The following EPB41L3 variants were observed in gnomAD, a reference collection of about 807,000 sequenced individuals.
The protein encoded by EPB41L3 is band 4.1-like protein 3.
Under a neutral mutation model 127.1 loss-of-function variants are expected in EPB41L3, and 57 were observed. That is an observed-to-expected ratio of 0.45 (90% confidence interval 0.36 to 0.56). The LOEUF (loss-of-function observed/expected upper bound fraction) is 0.56, where lower values mean the gene tolerates loss of function less well. Ranked by LOEUF, EPB41L3 falls within the 20% of genes least tolerant of loss-of-function variation. The pLI is 0.00. For missense variants in EPB41L3, 1,273 were observed against 1,372.2 expected (o/e 0.93, Z 1.14); for synonymous variants, 572 against 549.5 (o/e 1.04, Z -0.57).
intron 13 of EPB41L3, among the ~76,000 whole-genome samples, chr18:5,413,364 G>A (rs1448724061): frequency 6.6e-6 from 1 of 152,102 alleles, no homozygotes; most frequent in Non-Finnish European, 1.5e-5. Context: ...AACATGACTG[G>A]TCAACAGCTT....
In EPB41L3 at chr18:5,416,153, G is replaced by C; in HGVS notation, c.1732C>G (p.Gln578Glu). The C allele has an allele frequency of 6.2e-7, 1 of 1,614,034 alleles. No homozygotes were observed. Among genetic ancestry groups the C allele is most frequent in the Non-Finnish European group, 8.5e-7 (1 of 1,179,928 alleles). ...DQDVAFSYRQ[Q>E]TGKGTTLFSF... Reference sequence around the variant, plus strand: ...AACAGGGTGGTCCCCTTGCCAGTTTGCTGTCTGTAGCTAAAAGCCACATCT... The same window carrying C: ...AACAGGGTGGTCCCCTTGCCAGTTTCCTGTCTGTAGCTAAAAGCCACATCT... The change falls in exon 13 of 23, where the codon CAA becomes GAA. Residue 578 changes from glutamine to glutamate, a missense_variant. This residue lies in a region of EPB41L3 where 765 missense variants were observed against 782.9 expected (regional missense o/e 0.98). Transcript: ENST00000341928.
intron 5 of EPB41L3, among the ~76,000 whole-genome samples, chr18:5,441,947 A>C (rs1438403706): frequency 6.6e-6 from 1 of 152,200 alleles, no homozygotes; most frequent in Non-Finnish European, 1.5e-5. Flanking sequence ...GGTAGAAGAC[A>C]CTATAAATGG....
At chr18:5,462,925 C>T (rs529708240) in intron 3 of EPB41L3, among the ~76,000 whole-genome samples, 1 of 152,196 alleles carries the variant, frequency 6.6e-6, no homozygotes, top group Non-Finnish European at 1.5e-5. Flanking sequence ...TGTCTTCCCC[C>T]ATAAACTTTT....
intron 1 of EPB41L3, among the ~76,000 whole-genome samples, chr18:5,503,485 C>T (rs1236628404): frequency 6.6e-6 from 1 of 152,178 alleles, no homozygotes; most frequent in African/African-American, 2.4e-5. Context: ...AGGCTCCAGG[C>T]ACAGGTCATT....
chr18:5,534,276 A>AT (rs1232367998), intron 1 of EPB41L3, among the ~76,000 whole-genome samples: 1 of 152,236 alleles, frequency 6.6e-6, no homozygotes, highest in Non-Finnish European at 1.5e-5. Context: ...TATTTATATT[A>AT]TATCTTCTTT....
intron 3 of EPB41L3, among the ~76,000 whole-genome samples, chr18:5,578,444 G>T (rs2094358586): frequency 1.3e-5 from 2 of 152,126 alleles, no homozygotes; most frequent in African/African-American, 4.8e-5. Context: ...TATGCTAATT[G>T]TCCTCTAGTT....
At chr18:5,447,562 T>C (rs1480959198) in intron 3 of EPB41L3, among the ~76,000 whole-genome samples, 2 of 138,490 alleles carry the variant, frequency 1.4e-5, no homozygotes, top group African/African-American at 2.7e-5. Flanking sequence ...CAAATGCAAA[T>C]ACAAAAACTT....
At chr18:5,404,921 T>G (rs2075110280) in intron 16 of EPB41L3, among the ~76,000 whole-genome samples, 1 of 152,224 alleles carries the variant, frequency 6.6e-6, no homozygotes, top group African/African-American at 2.4e-5. Context: ...AACTGAATAT[T>G]GTAAGGACTA....
chr18:5,520,766 C>A (rs2092957965), intron 1 of EPB41L3, among the ~76,000 whole-genome samples: 1 of 152,168 alleles, frequency 6.6e-6, no homozygotes, highest in Non-Finnish European at 1.5e-5. Flanking sequence ...AGGCCCATGG[C>A]CTTAGGCAGG....
At chr18:5,453,962 C>A (rs887650989) in intron 3 of EPB41L3, among the ~76,000 whole-genome samples, 1 of 152,122 alleles carries the variant, frequency 6.6e-6, no homozygotes, top group Non-Finnish European at 1.5e-5. Context: ...ATTTTCCTCA[C>A]ATTTAAAGGT....
chr18:5,525,292 T>C (rs1052110484), intron 1 of EPB41L3, among the ~76,000 whole-genome samples: 2 of 152,158 alleles, frequency 1.3e-5, no homozygotes, highest in African/African-American at 2.4e-5. Flanking sequence ...AGGCGTGCCA[T>C]GGCCCTAGGA....
chr18:5,451,671 C>T (rs552051901), intron 3 of EPB41L3, among the ~76,000 whole-genome samples: 1 of 152,316 alleles, frequency 6.6e-6, no homozygotes, highest in East Asian at 1.9e-4. Context: ...CTTGATGAAA[C>T]TTTACAAAAG....
At chr18:5,414,696 G>A (rs1160464758) in intron 13 of EPB41L3, among the ~76,000 whole-genome samples, 2 of 152,144 alleles carry the variant, frequency 1.3e-5, no homozygotes, top group East Asian at 3.8e-4. Context: ...AGTGGGGAGG[G>A]GCGCGCATGA....
rs1021509318 is a variant in EPB41L3 at position 5,393,409 on chromosome 18, G to A, written c.*76C>T. The stretch of plus-strand genomic sequence containing the variant: ...ATACAAGTCAGTTGGGTTAGAAGAG[G>A]GAACTCCATATAGGCTCTGGTTTTC... On this transcript the variant is annotated 3_prime_UTR_variant, in exon 23 of 23. Coordinates refer to ENST00000341928, the MANE Select transcript of EPB41L3 (RefSeq NM_012307.5). 25 of 689,102 alleles carry A rather than the reference G, an allele frequency of 3.6e-5. No individual in the cohort carries two copies. The African/African-American group carries it at 4.1e-4, about 11-fold the overall frequency. The allele number at this position is 689,102 out of a possible 1,614,324, so 42.7% of individuals were successfully genotyped here.
intron 3 of EPB41L3, among the ~76,000 whole-genome samples, chr18:5,586,977 C>T (rs181290318): frequency 1.2e-3 from 189 of 152,154 alleles, no homozygotes; most frequent in Non-Finnish European, 2.3e-3. Flanking sequence ...AGCAGTAAGA[C>T]CCTAACATAT....
At chr18:5,428,166 G>A (rs2078480865) in intron 9 of EPB41L3, 147 bp downstream of exon 9, 10 of 823,684 alleles carry the variant, frequency 1.2e-5, no homozygotes, top group Non-Finnish European at 1.9e-5. Flanking sequence ...CTGTTTATTG[G>A]GCAAACCTAC....
Position 5,489,038 on chromosome 18 carries a change from G to A in EPB41L3, c.146C>T (p.Ala49Val). Residue 49 changes from alanine (A) to valine (V), a missense_variant, in exon 2 of 23, where the codon GCC becomes GTC. Physicochemically the swap from Ala to Val is moderately conservative, Grantham distance 64. This residue lies in a region of EPB41L3 where 182 missense variants were observed against 149.2 expected (regional missense o/e 1.22). Transcript: ENST00000341928. ...CGGGGTGCTGTGCGCTGCAGCGGCG[G>A]CGAACTGCTCCAGGGCCTGCTGCTG... Reference protein sequence around the residue: ...EEQQQALEQFAAAAAHSTPVR... With the variant: ...EEQQQALEQFVAAAAHSTPVR... The A allele has an allele frequency of 1.3e-6, 2 of 1,591,938 alleles. No individual in the cohort carries two copies. Among genetic ancestry groups the A allele is most frequent in the African/African-American group, 1.4e-5 (1 of 73,054 alleles).
chr18:5,468,777 G>A (rs559317127), intron 3 of EPB41L3, among the ~76,000 whole-genome samples: 23 of 152,246 alleles, frequency 1.5e-4, no homozygotes, highest in African/African-American at 5.3e-4. Flanking sequence ...TTAGCCAGGC[G>A]TGGTGGCATG....
At chr18:5,565,737 C>T (rs988840044) in intron 3 of EPB41L3, among the ~76,000 whole-genome samples, 7 of 150,764 alleles carry the variant, frequency 4.6e-5, no homozygotes, top group Admixed American at 2.7e-4. Flanking sequence ...TTTGTCCTTG[C>T]GATAGTTTGC....
Sources: allele counts gnomAD v4.1 joint callset (sites outside exome capture counted in the v4.1 genomes callset), GRCh38; gene constraint gnomAD v4.1.1; regional missense constraint gnomAD v4.1.1; transcripts MANE v1.5; gene names NCBI Gene and HGNC (gene_info 2026-07-23, HGNC 2026-07-21).